Variants in MAGI2 observed in about 807,000 individuals in gnomAD.
The protein encoded by MAGI2 is membrane-associated guanylate kinase, WW and PDZ domain-containing protein 2.
In MAGI2, 35 loss-of-function variants were observed where a neutral mutation model predicts 133.3. That is an observed-to-expected ratio of 0.26 (90% confidence interval 0.20 to 0.35). The LOEUF is 0.35. Ranked by LOEUF, MAGI2 falls within the 10% of genes least tolerant of loss-of-function variation. MAGI2 has a pLI of 1.00. For missense variants in MAGI2, 1,636 were observed against 1,863.4 expected (o/e 0.88, Z 2.25); for synonymous variants, 729 against 710.6 (o/e 1.03, Z -0.41).
chr7:78,709,314 G>C (rs949195859), intron 2 of MAGI2, among the ~76,000 whole-genome samples: 6 of 146,146 alleles, frequency 4.1e-5, no homozygotes, highest in Non-Finnish European at 8.9e-5. Context: ...CCTCCCTCAG[G>C]CTTCAACTAG....
intron 1 of MAGI2, among the ~76,000 whole-genome samples, chr7:79,277,853 A>G (rs1379682186): frequency 6.6e-6 from 1 of 152,114 alleles, no homozygotes; most frequent in Non-Finnish European, 1.5e-5. Flanking sequence ...ATCTCTTTGA[A>G]ACGTAATCAT....
intron 1 of MAGI2, among the ~76,000 whole-genome samples, chr7:79,325,136 C>G (rs1839590720): frequency 2.0e-5 from 3 of 152,102 alleles, no homozygotes; most frequent in Non-Finnish European, 2.9e-5. Flanking sequence ...TAAGCAGTCT[C>G]TCTGCCTCCA....
intron 2 of MAGI2, among the ~76,000 whole-genome samples, chr7:78,955,947 T>C (rs967562153): frequency 1.1e-4 from 17 of 152,020 alleles, no homozygotes; most frequent in African/African-American, 4.1e-4. Context: ...ATGCCTTTTT[T>C]TTTGTTTTCA....
chr7:79,375,319 C>T (rs1465946766), intron 1 of MAGI2, among the ~76,000 whole-genome samples: 3 of 151,876 alleles, frequency 2.0e-5, no homozygotes, highest in Non-Finnish European at 2.9e-5. Context: ...CCTGGTTCTA[C>T]CAATAAGGAG....
chr7:78,781,477 TA>T lies in MAGI2; in HGVS notation c.419-154239del, dbSNP rs1488402986. On this transcript the variant is annotated intron_variant, in intron 2 of 21. Coordinates refer to ENST00000354212, the MANE Select transcript of MAGI2 (RefSeq NM_012301.4). ...ATAAAGGCTTGAATTATTGCCCACA[TA>T]AATGTGCAGAAATTTCTCCCCATCT... Among the ~76,000 whole-genome samples, 12 of 150,604 alleles carry T rather than the reference TA, an allele frequency of 8.0e-5. No homozygotes were observed. In the East Asian group the frequency reaches 1.6e-3, roughly 20 times the overall value.
chr7:78,802,796 A>G (rs1344401704), intron 2 of MAGI2, among the ~76,000 whole-genome samples: 1 of 152,076 alleles, frequency 6.6e-6, no homozygotes, highest in Non-Finnish European at 1.5e-5. Flanking sequence ...CAATTGTAAC[A>G]AATGTGTTGT....
intron 2 of MAGI2, among the ~76,000 whole-genome samples, chr7:78,862,243 C>T (rs10259015): frequency 0.02 from 3,075 of 152,190 alleles, 95 homozygotes; most frequent in African/African-American, 0.07. Context: ...ATAACTTCTT[C>T]GTAAATGCTG....
intron 3 of MAGI2, among the ~76,000 whole-genome samples, chr7:78,610,109 G>A (rs1025902231): frequency 1.3e-5 from 2 of 152,076 alleles, no homozygotes; most frequent in Non-Finnish European, 2.9e-5. Flanking sequence ...GTGAATCTTG[G>A]CTATGGGAGA....
chr7:78,887,894 G>C (rs1049897211), intron 2 of MAGI2, among the ~76,000 whole-genome samples: 3 of 152,196 alleles, frequency 2.0e-5, no homozygotes, highest in Non-Finnish European at 4.4e-5. Flanking sequence ...AGGACAGTGG[G>C]TGCAGCGCAC....
intron 3 of MAGI2, among the ~76,000 whole-genome samples, chr7:78,626,391 T>C (rs913676129): frequency 1.3e-5 from 2 of 152,188 alleles, no homozygotes; most frequent in Admixed American, 6.6e-5. Context: ...ATGCCATCAT[T>C]CCACTTTTAC....
chr7:78,418,741 T>C (rs1188120531), intron 6 of MAGI2, among the ~76,000 whole-genome samples: 1 of 152,114 alleles, frequency 6.6e-6, no homozygotes, highest in African/African-American at 2.4e-5. Context: ...TTCAGTCTCA[T>C]CTGAAAAGGG....
chr7:78,381,878 A>G (rs1368135965), intron 6 of MAGI2, among the ~76,000 whole-genome samples: 4 of 152,210 alleles, frequency 2.6e-5, no homozygotes, highest in African/African-American at 9.6e-5. Flanking sequence ...TAGGAGGAGA[A>G]TTTGGCAGTA....
At chr7:78,438,133 A>G (rs543029765) in intron 6 of MAGI2, among the ~76,000 whole-genome samples, 1 of 152,180 alleles carries the variant, frequency 6.6e-6, no homozygotes, top group Non-Finnish European at 1.5e-5. Flanking sequence ...AAGCAAACAG[A>G]TAACCACTGA....
chr7:78,564,021 C>T (rs1800675156), intron 3 of MAGI2, among the ~76,000 whole-genome samples: 1 of 152,020 alleles, frequency 6.6e-6, no homozygotes, highest in Non-Finnish European at 1.5e-5. Context: ...TTACACAGAA[C>T]ATGATTAATT....
At chr7:78,150,765 T>C (rs1823789465) in intron 16 of MAGI2, among the ~76,000 whole-genome samples, 1 of 152,174 alleles carries the variant, frequency 6.6e-6, no homozygotes, top group African/African-American at 2.4e-5. Flanking sequence ...TGAAAAATGA[T>C]TCCCTAGTGG....
intron 9 of MAGI2, among the ~76,000 whole-genome samples, chr7:78,297,421 T>C (rs563374244): frequency 3.5e-4 from 53 of 152,134 alleles, no homozygotes; most frequent in African/African-American, 1.2e-3. Flanking sequence ...GTCAGTGTGG[T>C]GATTCCTCAG....
At chr7:79,267,419 G>A (rs879691674) in intron 1 of MAGI2, among the ~76,000 whole-genome samples, 1 of 152,126 alleles carries the variant, frequency 6.6e-6, no homozygotes, top group Non-Finnish European at 1.5e-5. Flanking sequence ...TCTTTGTGCA[G>A]GACTTAACAC....
At chr7:78,059,547 G>A (rs1046750328) in intron 21 of MAGI2, among the ~76,000 whole-genome samples, 1 of 152,148 alleles carries the variant, frequency 6.6e-6, no homozygotes, top group Non-Finnish European at 1.5e-5. Context: ...AAGTTGTAGA[G>A]CCCTTTGCTC....
chr7:78,632,265 T>C (rs1166382987), intron 2 of MAGI2, among the ~76,000 whole-genome samples: 2 of 152,236 alleles, frequency 1.3e-5, no homozygotes, highest in Non-Finnish European at 2.9e-5. Context: ...TATAGTATGC[T>C]ATAAAGGGTT....
Sources: allele counts gnomAD v4.1 joint callset (sites outside exome capture counted in the v4.1 genomes callset), GRCh38; gene constraint gnomAD v4.1.1; transcripts MANE v1.5; gene names NCBI Gene and HGNC (gene_info 2026-07-23, HGNC 2026-07-21).